Variants in SLC7A14 observed in about 807,000 individuals in gnomAD.
The protein encoded by SLC7A14 is solute carrier family 7 member 14.
A neutral mutation model predicts 60.2 loss-of-function variants in SLC7A14; 37 were observed. The ratio of observed to expected loss-of-function variants is 0.61; its 90% CI spans 0.47 to 0.81. The LOEUF (loss-of-function observed/expected upper bound fraction) is 0.81, where lower values mean the gene tolerates loss of function less well. SLC7A14 is among the 30% of genes least tolerant of loss of function. SLC7A14 has a pLI of 0.00. For missense variants in SLC7A14, 886 were observed against 982.7 expected (o/e 0.90, Z 1.32); for synonymous variants, 399 against 395.8 (o/e 1.01, Z -0.10).
intron 1 of SLC7A14, among the ~76,000 whole-genome samples, chr3:170,551,236 T>C (rs1393851452): frequency 6.6e-6 from 1 of 152,234 alleles, no homozygotes; most frequent in African/African-American, 2.4e-5. Flanking sequence ...TTCATTTCTG[T>C]TTTATGGCTG....
chr3:170,560,846 T>G (rs890083071), intron 1 of SLC7A14, among the ~76,000 whole-genome samples: 1 of 152,198 alleles, frequency 6.6e-6, no homozygotes, highest in Non-Finnish European at 1.5e-5. Context: ...ATTGCTTCGG[T>G]CACATATATA....
At chr3:170,520,294 A>G (rs140195883) in intron 2 of SLC7A14, among the ~76,000 whole-genome samples, 73 of 152,326 alleles carry the variant, frequency 4.8e-4, no homozygotes, top group African/African-American at 1.6e-3. Context: ...GATTAAGTAA[A>G]ATAATGGGTT....
intron 1 of SLC7A14, among the ~76,000 whole-genome samples, chr3:170,538,035 C>T (rs1379664315): frequency 6.6e-6 from 1 of 152,170 alleles, no homozygotes; most frequent in Non-Finnish European, 1.5e-5. Context: ...ATAGGAATTT[C>T]CTCATCCTGA....
At chr3:170,542,661 A>G (rs1033710559) in intron 1 of SLC7A14, among the ~76,000 whole-genome samples, 1 of 152,228 alleles carries the variant, frequency 6.6e-6, no homozygotes, top group African/African-American at 2.4e-5. Context: ...TCGTCTCACA[A>G]CAGTGAAAGC....
chr3:170,467,643 T>G (rs1360521069), intron 7 of SLC7A14, among the ~76,000 whole-genome samples: 1 of 152,198 alleles, frequency 6.6e-6, no homozygotes, highest in Non-Finnish European at 1.5e-5. Context: ...CATCCACATT[T>G]CTACATGGTG....
chr3:170,466,407 C>A lies in SLC7A14; in HGVS notation c.*648G>T, dbSNP rs972001160. 6.6e-6 allele frequency: 1 copy of A among 152,148 alleles called. No individual in the cohort carries two copies. Among genetic ancestry groups the A allele is most frequent in the Non-Finnish European group, 1.5e-5 (1 of 68,042 alleles). The allele number at this position is 152,148 out of a possible 1,614,324, so 9.4% of individuals were successfully genotyped here. A position where few individuals can be genotyped will look rare whatever the true frequency, so the allele number is the denominator to read the frequency against. ...CATAGAGCTTTGATGGTGCTTCTTA[C>A]CATATCACTGGGTCTGCCTGACTGC... On this transcript the variant is annotated 3_prime_UTR_variant, in exon 8 of 8. Transcript: ENST00000231706.
At chr3:170,503,178 A>C (rs6767520) in intron 2 of SLC7A14, among the ~76,000 whole-genome samples, 10,282 of 152,140 alleles carry the variant, frequency 0.068, 411 homozygotes, top group South Asian at 0.095. Flanking sequence ...TTGCTTTGTA[A>C]ATGTAGCTTT....
chr3:170,496,962 A>G (rs933180632), intron 4 of SLC7A14, among the ~76,000 whole-genome samples: 3 of 152,070 alleles, frequency 2.0e-5, no homozygotes, highest in African/African-American at 7.2e-5. Context: ...TGTGCAGGGG[A>G]GCACAGGGAA....
chr3:170,509,531 C>T (rs940918365), intron 2 of SLC7A14, among the ~76,000 whole-genome samples: 4 of 152,172 alleles, frequency 2.6e-5, no homozygotes, highest in Non-Finnish European at 2.9e-5. Flanking sequence ...ACCAACTGGC[C>T]GGGCACGGTG....
chr3:170,541,179 T>G (rs1316171952), intron 1 of SLC7A14, among the ~76,000 whole-genome samples: 1 of 152,248 alleles, frequency 6.6e-6, no homozygotes, highest in African/African-American at 2.4e-5. Flanking sequence ...GCATTAATTG[T>G]AATATTACTC....
chr3:170,477,137 C>T (rs73040372), intron 7 of SLC7A14, among the ~76,000 whole-genome samples: 3,292 of 152,338 alleles, frequency 0.022, 80 homozygotes, highest in African/African-American at 0.054. Context: ...TGAGTCTGCT[C>T]AGAGGCACCC....
chr3:170,500,565 C>G (rs1037179710), intron 3 of SLC7A14, among the ~76,000 whole-genome samples: 5 of 151,890 alleles, frequency 3.3e-5, no homozygotes, highest in Non-Finnish European at 5.9e-5. Flanking sequence ...CCCTCCCTGA[C>G]CTCTTCTAGG....
At chr3:170,514,279 G>T (rs1450541282) in intron 2 of SLC7A14, among the ~76,000 whole-genome samples, 1 of 152,230 alleles carries the variant, frequency 6.6e-6, no homozygotes, top group Non-Finnish European at 1.5e-5. Context: ...CTGCTGTGCA[G>T]ACCTCTGAGG....
chr3:170,527,164 G>T (rs1349966628), intron 1 of SLC7A14, 76 bp from the exon 2 acceptor site: 3 of 576,732 alleles, frequency 5.2e-6, no homozygotes, highest in Non-Finnish European at 9.2e-6. Context: ...ATGGTTGGAG[G>T]TTAATGTCCT....
chr3:170,468,199 C>T (rs1739776404), intron 7 of SLC7A14, among the ~76,000 whole-genome samples: 1 of 152,132 alleles, frequency 6.6e-6, no homozygotes, highest in Admixed American at 6.5e-5. Flanking sequence ...AAGAAACTTG[C>T]CCCCCTCGTT....
At chr3:170,482,998 C>T (rs965611733) in intron 6 of SLC7A14, among the ~76,000 whole-genome samples, 1 of 151,494 alleles carries the variant, frequency 6.6e-6, no homozygotes, top group African/African-American at 2.4e-5. Flanking sequence ...TAGGATGGTT[C>T]TTCCTTCTGG....
intron 7 of SLC7A14, among the ~76,000 whole-genome samples, chr3:170,470,277 T>C (rs1045241543): frequency 4.0e-5 from 6 of 149,180 alleles, no homozygotes; most frequent in African/African-American, 1.5e-4. Context: ...TTTACATGTG[T>C]TCTTTGGGAG....
intron 1 of SLC7A14, among the ~76,000 whole-genome samples, chr3:170,552,827 G>A (rs190622294): frequency 9.9e-5 from 15 of 152,246 alleles, no homozygotes; most frequent in African/African-American, 1.4e-4. Flanking sequence ...GAAAGCTTTC[G>A]ATGACTCTTT....
chr3:170,498,409 G>A (rs957986140), intron 4 of SLC7A14, among the ~76,000 whole-genome samples: 9 of 152,144 alleles, frequency 5.9e-5, no homozygotes, highest in Non-Finnish European at 8.8e-5. Context: ...TTAGGCAATT[G>A]CAGGTTGCCA....
Sources: gnomAD v4.1 joint callset for allele counts (sites outside exome capture counted in the v4.1 genomes callset) on GRCh38, gnomAD v4.1.1 for gene constraint, MANE v1.5 for transcripts, NCBI Gene and HGNC (gene_info 2026-07-23, HGNC 2026-07-21) for gene names.